Variants in GPBP1 observed in about 807,000 individuals in gnomAD.
The protein encoded by GPBP1 is GC-rich promoter binding protein 1, also known as vasculin.
GPBP1 carries 13 observed loss-of-function variants against 56.5 expected under a neutral mutation model. That is an observed-to-expected ratio of 0.23 (90% CI 0.15 to 0.37). The LOEUF is 0.37. GPBP1 is among the 10% of genes least tolerant of loss of function. The pLI is 1.00. For synonymous variants in GPBP1, 204 were observed against 188.9 expected, an observed-to-expected ratio of 1.08 and a Z score of -0.66; for missense variants, 477 against 572.3, an observed-to-expected ratio of 0.83 and a Z score of 1.70.
intron 2 of GPBP1, among the ~76,000 whole-genome samples, chr5:57,210,159 AGT>A (rs762649068): frequency 1.7e-4 from 26 of 152,222 alleles, no homozygotes; most frequent in Non-Finnish European, 2.9e-5. Flanking sequence ...TTTTTGCCAA[AGT>A]GTATTCTTTT....
intron 3 of GPBP1, among the ~76,000 whole-genome samples, chr5:57,226,729 CTTTTTTTTTTTTT>C (rs70999067): frequency 1.6e-4 from 12 of 77,114 alleles, no homozygotes; most frequent in East Asian, 2.7e-4. Context: ...TTTTTGTATT[CTTTTTTTTTTTTT>C]TTTTTTTTTT....
intron 2 of GPBP1, among the ~76,000 whole-genome samples, chr5:57,195,692 A>C (rs1449223356): frequency 1.3e-5 from 2 of 152,114 alleles, no homozygotes; most frequent in Admixed American, 1.3e-4. Context: ...TTTATTTGCG[A>C]AATGAATATT....
At chr5:57,218,012 A>G (rs1580020807) in intron 3 of GPBP1, among the ~76,000 whole-genome samples, 1 of 152,246 alleles carries the variant, frequency 6.6e-6, no homozygotes, top group East Asian at 1.9e-4. Context: ...TTTGATTTAA[A>G]GTAATTCCTA....
chr5:57,236,574 G>C (rs1282420381), intron 6 of GPBP1, among the ~76,000 whole-genome samples: 2 of 152,044 alleles, frequency 1.3e-5, no homozygotes, highest in South Asian at 2.1e-4. Context: ...AAAGCTTAAT[G>C]AGAGTTCTTC....
intron 2 of GPBP1, among the ~76,000 whole-genome samples, chr5:57,181,590 A>G (rs1427575651): frequency 6.6e-6 from 1 of 150,622 alleles, no homozygotes; most frequent in Non-Finnish European, 1.5e-5. Flanking sequence ...CCTAGGGAAC[A>G]TTTAAAAAAA....
In GPBP1 at chr5:57,221,317, G is replaced by GT. The variant is rs1483641097; in HGVS notation, c.63+7131dup. 2.4e-5 allele frequency: 29 copies of GT among 1,228,124 alleles called. No homozygotes were observed. In the East Asian group the frequency reaches 8.9e-4, roughly 38 times the overall value. 76.1% of individuals were successfully genotyped at this position (1,228,124 alleles called of 1,614,324 possible). A position where few individuals can be genotyped will look rare whatever the true frequency, so the allele number is the denominator to read the frequency against. On this transcript the variant is annotated intron_variant, in intron 3 of 11. Coordinates refer to ENST00000506184, the MANE Select transcript of GPBP1 (RefSeq NM_022913.4). The stretch of plus-strand genomic sequence containing the variant: ...TAGTTTTTTCTTTTGTGATTTTCTA[G>GT]TTTTTTTAAATTCCATTAAATAATG...
chr5:57,218,699 A>T (rs956608745), intron 3 of GPBP1, among the ~76,000 whole-genome samples: 23 of 152,122 alleles, frequency 1.5e-4, no homozygotes, highest in African/African-American at 5.3e-4. Flanking sequence ...ATTTCACCTC[A>T]AGTGATCCGC....
At chr5:57,238,170 A>G (rs375019066) in intron 6 of GPBP1, among the ~76,000 whole-genome samples, 23 of 152,360 alleles carry the variant, frequency 1.5e-4, no homozygotes, top group African/African-American at 5.5e-4. Flanking sequence ...TGCCTATGAG[A>G]ATTTAAAAAT....
At chr5:57,196,310 T>G (rs1754747522) in intron 2 of GPBP1, among the ~76,000 whole-genome samples, 1 of 151,842 alleles carries the variant, frequency 6.6e-6, no homozygotes, top group Admixed American at 6.6e-5. Flanking sequence ...GGCCTCAGAG[T>G]CAAGACTTCT....
intron 2 of GPBP1, among the ~76,000 whole-genome samples, chr5:57,187,886 G>T (rs942358417): frequency 1.3e-5 from 2 of 148,960 alleles, no homozygotes; most frequent in Non-Finnish European, 3.0e-5. Context: ...GCAGAAACCA[G>T]ATATATATAT....
At chr5:57,231,392 G>C (rs1756453700) in intron 5 of GPBP1, 71 bp downstream of exon 5, 1 of 1,250,384 alleles carries the variant, frequency 8.0e-7, no homozygotes, top group Admixed American at 2.1e-5. Flanking sequence ...TCCTGCCTCA[G>C]CCTCTCCAGT....
In GPBP1 at chr5:57,247,151, G is replaced by C; in HGVS notation, c.740G>C (p.Gly247Ala). The C allele has an allele frequency of 1.2e-6, 2 of 1,613,662 alleles. No individual in the cohort carries two copies. Among genetic ancestry groups the C allele is most frequent in the Non-Finnish European group, 1.7e-6 (2 of 1,179,764 alleles). ...CCTCATGAGTCCACATTTGGCGTTG[G>C]CAACTTTAATGCTTTTAAATCAACT... Reference protein sequence around the residue: ...SFPHESTFGVGNFNAFKSTAK... With the variant: ...SFPHESTFGVANFNAFKSTAK... Residue 247 changes from glycine to alanine, a missense_variant, in exon 8 of 12, where the codon GGC becomes GCC. By Grantham distance (60) the Gly-to-Ala change is moderately conservative. Around this residue, in one of 2 missense-constraint regions of GPBP1, gnomAD observed 414 missense variants for 458.2 expected, o/e 0.90. Transcript: ENST00000506184.
intron 3 of GPBP1, 158 bp from the exon 4 acceptor site, chr5:57,230,688 T>C: frequency 2.9e-6 from 2 of 685,290 alleles, no homozygotes; most frequent in Admixed American, 2.5e-5. Flanking sequence ...GGTGAATCCA[T>C]TATACAGTTA....
intron 2 of GPBP1, among the ~76,000 whole-genome samples, chr5:57,178,463 C>G (rs2111701052): frequency 6.6e-6 from 1 of 152,254 alleles, no homozygotes; most frequent in East Asian, 1.9e-4. Context: ...TCAGGCTGGC[C>G]TTGAACTCCT....
intron 2 of GPBP1, among the ~76,000 whole-genome samples, chr5:57,194,434 A>AGGAGCACATATC (rs1489514807): frequency 6.6e-6 from 1 of 152,212 alleles, no homozygotes; most frequent in Non-Finnish European, 1.5e-5. Flanking sequence ...CACATATTTA[A>AGGAGCACATATC]GGAGCACATA....
Position 57,178,951 on chromosome 5 carries a change from A to C in GPBP1, c.-58+2551A>C, listed in dbSNP as rs1387708300. ...GATGATGATGGTTTTTTTGCTGTGT[A>C]ATTTATGTGGCATATTTTAATTAAT... On this transcript the variant is annotated intron_variant, in intron 2 of 11. Transcript: ENST00000506184. Among the ~76,000 whole-genome samples the C allele has an allele frequency of 2.0e-5, 3 of 152,170 alleles. No individual in the cohort carries two copies. The South Asian group carries it at 6.2e-4, about 31-fold the overall frequency.
intron 2 of GPBP1, among the ~76,000 whole-genome samples, chr5:57,182,799 T>A (rs1248091738): frequency 6.6e-6 from 1 of 152,176 alleles, no homozygotes; most frequent in African/African-American, 2.4e-5. Context: ...TCCTCCTGCC[T>A]CAGCCTCCCA....
chr5:57,251,155 T>C lies in GPBP1; in HGVS notation c.1160+14T>C. The C allele has an allele frequency of 1.3e-6, 2 of 1,566,870 alleles. No individual in the cohort carries two copies. The highest frequency in any genetic ancestry group is 2.3e-5 in the East Asian group (1 of 43,806). The stretch of plus-strand genomic sequence containing the variant: ...GGCAGAACACAGGCTAGTATTTGTT[T>C]GTACTTTTTGCTCAGCATTTTCTGT... On this transcript the variant is annotated intron_variant, in intron 10 of 11. Coordinates refer to ENST00000506184, the MANE Select transcript of GPBP1 (RefSeq NM_022913.4).
chr5:57,234,310 A>G (rs990036038), intron 5 of GPBP1, among the ~76,000 whole-genome samples: 2 of 152,228 alleles, frequency 1.3e-5, no homozygotes, highest in African/African-American at 2.4e-5. Context: ...CGCATCTACC[A>G]AGATTAGCTT....
Sources: gnomAD v4.1 joint callset for allele counts (sites outside exome capture counted in the v4.1 genomes callset) on GRCh38, gnomAD v4.1.1 for gene constraint, gnomAD v4.1.1 regional missense constraint, MANE v1.5 for transcripts, NCBI Gene and HGNC (gene_info 2026-07-23, HGNC 2026-07-21) for gene names.